Variants in CFAP77 observed in about 807,000 individuals in gnomAD.
CFAP77 encodes the protein cilia- and flagella-associated protein 77.
CFAP77 carries 25 observed loss-of-function variants against 31.1 expected under a neutral mutation model. That is an observed-to-expected ratio of 0.80 (90% CI 0.59 to 1.12). The LOEUF (loss-of-function observed/expected upper bound fraction) is 1.12, where lower values mean the gene tolerates loss of function less well. Among genes scored for constraint, CFAP77 ranks in the 50% most tolerant of loss-of-function variants. The pLI is 0.00. For synonymous variants in CFAP77, 151 were observed against 159.9 expected (o/e 0.94, Z 0.42); for missense variants, 377 against 397.3 (o/e 0.95, Z 0.44).
At chr9:132,416,325 T>C (rs144721310) in intron 1 of CFAP77, among the ~76,000 whole-genome samples, 2,627 of 144,406 alleles carry the variant, frequency 0.018, 89 homozygotes, top group African/African-American at 0.062. Context: ...GTGCTTCTTA[T>C]CTGATTTTTT....
At chr9:132,412,379 T>G (rs1353127962) in intron 1 of CFAP77, among the ~76,000 whole-genome samples, 1 of 152,122 alleles carries the variant, frequency 6.6e-6, no homozygotes. Context: ...TTCTTCGGGG[T>G]CTTTAAGGTA....
chr9:132,438,240 G>C (rs1850545146), intron 1 of CFAP77, among the ~76,000 whole-genome samples: 1 of 143,290 alleles, frequency 7.0e-6, no homozygotes, highest in South Asian at 2.4e-4. Flanking sequence ...AAAATAATTA[G>C]AAAGTGATGA....
chr9:132,513,445 TC>T (rs775984793), intron 3 of CFAP77: 2 of 1,377,672 alleles, frequency 1.5e-6, no homozygotes, highest in East Asian at 5.2e-5. Flanking sequence ...CCTCAGCCCC[TC>T]CCCGTCTTCC....
chr9:132,432,690 C>T (rs550678160), intron 1 of CFAP77, among the ~76,000 whole-genome samples: 10 of 151,848 alleles, frequency 6.6e-5, no homozygotes, highest in African/African-American at 2.4e-4. Context: ...CGCCACCACA[C>T]CCAGCTAATT....
rs574526591 is a variant in CFAP77, at chr9:132,419,966, G to T, written c.195+9500G>T. 1.9e-3 allele frequency among the ~76,000 whole-genome samples: 286 copies of T among 152,028 alleles called. 1 individual carries two copies. The highest frequency in any genetic ancestry group is 5.5e-3 in the Admixed American group (84 of 15,276). On this transcript the variant is annotated intron_variant, in intron 1 of 5. Coordinates refer to ENST00000393216, the MANE Select transcript of CFAP77 (RefSeq NM_001282957.2). ...GCTTGAGCCCAGGAGTTCGAAACCA[G>T]CCTGGGCAACATAATGGGACCTGGC...
intron 3 of CFAP77, among the ~76,000 whole-genome samples, chr9:132,504,038 C>CAAAGA (rs971220898): frequency 6.6e-5 from 10 of 152,198 alleles, no homozygotes; most frequent in African/African-American, 9.6e-5. Context: ...GACTCCATCT[C>CAAAGA]AAAGAAAAGA....
chr9:132,411,811 G>A (rs1434152725), intron 1 of CFAP77, among the ~76,000 whole-genome samples: 1 of 151,956 alleles, frequency 6.6e-6, no homozygotes, highest in Non-Finnish European at 1.5e-5. Context: ...GGCGTATGGA[G>A]TTATTCTCCA....
intron 1 of CFAP77, among the ~76,000 whole-genome samples, chr9:132,489,926 T>C (rs1332451426): frequency 6.6e-6 from 1 of 152,156 alleles, no homozygotes; most frequent in East Asian, 1.9e-4. Flanking sequence ...GTGTTTTTGC[T>C]GCTGTAACAG....
chr9:132,501,881 C>T lies in CFAP77; in HGVS notation c.524+2281C>T, dbSNP rs1564230256. Among the ~76,000 whole-genome samples the T allele has an allele frequency of 2.0e-5, 3 of 152,042 alleles. No individual in the cohort carries two copies. The highest frequency in any genetic ancestry group is 6.6e-5 in the Admixed American group (1 of 15,256). On this transcript the variant is annotated intron_variant, in intron 3 of 5. Transcript: ENST00000393216. The surrounding 1 kb of genome is among the most constrained non-coding windows in gnomAD (Gnocchi z 4.6). Reference sequence around the variant, plus strand: ...ATCAGTCCCTGCAATCTACGTGGGCCGATGGTGGAAAAGACGTACAGACCA... The same window carrying T: ...ATCAGTCCCTGCAATCTACGTGGGCTGATGGTGGAAAAGACGTACAGACCA...
At chr9:132,470,173 G>A (rs769974368) in intron 1 of CFAP77, among the ~76,000 whole-genome samples, 8 of 152,126 alleles carry the variant, frequency 5.3e-5, no homozygotes, top group Admixed American at 1.3e-4. Flanking sequence ...TGGTCTTTTC[G>A]AAGCCATCTC....
rs1165866307 is a variant in CFAP77 at position 132,554,583 on chromosome 9, C to T, written c.732+11536C>T. On this transcript the variant is annotated intron_variant, in intron 5 of 5. Coordinates refer to ENST00000393216, the MANE Select transcript of CFAP77 (RefSeq NM_001282957.2). The surrounding 1 kb of genome is among the most constrained non-coding windows in gnomAD (Gnocchi z 4.1). ...AACTCCTGGGCTCAAGAGATCTGCC[C>T]GCCTTGGCCTCCCAAAGTGTTAGGA... Among the ~76,000 whole-genome samples the T allele has an allele frequency of 3.3e-5, 5 of 152,224 alleles. No individual in the cohort carries two copies. The highest frequency in any genetic ancestry group is 3.9e-4 in the East Asian group (2 of 5,166).
rs140445793 is a variant in CFAP77, at chr9:132,422,546, T to C, written c.195+12080T>C. Among the ~76,000 whole-genome samples the C allele has an allele frequency of 3.4e-3, 516 of 152,336 alleles. 3 individuals carry two copies. The highest frequency in any genetic ancestry group is 0.012 in the African/African-American group (495 of 41,566). ...GTTCACATGAGCAATGGGACGAGAC[T>C]GTTCCAGGCAAAATAAGAGATTTTA... On this transcript the variant is annotated intron_variant, in intron 1 of 5. Coordinates refer to ENST00000393216, the MANE Select transcript of CFAP77 (RefSeq NM_001282957.2).
At chr9:132,434,880 C>T (rs1414742505) in intron 1 of CFAP77, among the ~76,000 whole-genome samples, 1 of 152,226 alleles carries the variant, frequency 6.6e-6, no homozygotes, top group Non-Finnish European at 1.5e-5. Flanking sequence ...GATGCACGCT[C>T]TGCCTGGGCC....
intron 1 of CFAP77, among the ~76,000 whole-genome samples, chr9:132,415,370 C>A (rs1448424169): frequency 6.6e-6 from 1 of 152,178 alleles, no homozygotes; most frequent in African/African-American, 2.4e-5. Flanking sequence ...AACTAACCCC[C>A]CCGCCCAGCT....
intron 1 of CFAP77, among the ~76,000 whole-genome samples, chr9:132,466,684 T>A (rs1028975496): frequency 4.6e-5 from 7 of 151,996 alleles, no homozygotes; most frequent in African/African-American, 1.5e-4. Flanking sequence ...CAGAGTTAGT[T>A]CCCCCGACCT....
chr9:132,492,968 C>A (rs543504775), intron 1 of CFAP77, among the ~76,000 whole-genome samples: 1 of 152,162 alleles, frequency 6.6e-6, no homozygotes, highest in African/African-American at 2.4e-5. Flanking sequence ...AGGACTCCCA[C>A]GGCTCCAGCC....
intron 5 of CFAP77, among the ~76,000 whole-genome samples, chr9:132,560,188 A>G (rs1852970870): frequency 6.6e-6 from 1 of 152,230 alleles, no homozygotes; most frequent in East Asian, 1.9e-4. Context: ...GTTTTTAAAA[A>G]GAGTCACTTT....
chr9:132,572,397 C>T lies in CFAP77; in HGVS notation c.742C>T (p.His248Tyr), dbSNP rs1829970302. 1 of 1,613,410 alleles carries T rather than the reference C, an allele frequency of 6.2e-7. No individual in the cohort carries two copies. Among genetic ancestry groups the T allele is most frequent in the South Asian group, 1.1e-5 (1 of 91,072 alleles). The change falls in exon 6 of 6, where the codon CAC becomes TAC. Residue 248 changes from histidine to tyrosine, a missense_variant. Transcript: ENST00000393216. ...TCCCTTCTATCCACAGGTGGGCCGC[C>T]ACCTTGATACGTTCCCCACGGAGGC... ...HMPHFQKVGR[H>Y]LDTFPTEADR...
chr9:132,523,826 C>G (rs1381260935), intron 3 of CFAP77, among the ~76,000 whole-genome samples: 1 of 152,184 alleles, frequency 6.6e-6, no homozygotes, highest in Non-Finnish European at 1.5e-5. Context: ...CTTTCCTCCC[C>G]TGGCTGGCTG....
Sources: gnomAD v4.1 joint callset for allele counts (sites outside exome capture counted in the v4.1 genomes callset) on GRCh38, gnomAD v4.1.1 for gene constraint, Gnocchi (gnomAD v3.1) non-coding constraint, MANE v1.5 for transcripts, NCBI Gene and HGNC (gene_info 2026-07-23, HGNC 2026-07-21) for gene names.